FKBP11: variants seen among roughly 807,000 people sequenced by gnomAD.
FKBP11 encodes the protein peptidyl-prolyl cis-trans isomerase FKBP11.
FKBP11 carries 21 observed loss-of-function variants against 24.7 expected under a neutral mutation model. The observed-to-expected ratio is 0.85, with a 90% confidence interval of 0.60 to 1.23. The LOEUF is 1.23. Among genes scored for constraint, FKBP11 ranks in the 50% most tolerant of loss-of-function variants. FKBP11 has a pLI of 0.00. For missense variants in FKBP11, 245 were observed against 248.7 expected (o/e 0.99, Z 0.10); for synonymous variants, 106 against 100.6 (o/e 1.05, Z -0.32).
upstream of FKBP11, chr12:48,926,405 A>AG (rs1231588363): frequency 6.7e-6 from 1 of 149,580 alleles, no homozygotes; most frequent in Non-Finnish European, 1.5e-5. Flanking sequence ...TTGTATTTTT[A>AG]GTAGATAAGG....
chr12:48,935,365 T>C, the FKBP11 span, among the ~76,000 whole-genome samples: 1 of 152,186 alleles, frequency 6.6e-6, no homozygotes, highest in African/African-American at 2.4e-5. Flanking sequence ...AAACTTATTA[T>C]ATGCCTAAAT....
At chr12:48,924,120 G>T in intron 4 of FKBP11, 103 bp downstream of exon 4, 1 of 1,367,258 alleles carries the variant, frequency 7.3e-7, no homozygotes, top group Non-Finnish European at 1.0e-6. Flanking sequence ...TGGGAAGCAG[G>T]GTCCTTTATT....
chr12:48,931,726 A>C, the FKBP11 span: 2 of 477,548 alleles, frequency 4.2e-6, no homozygotes, highest in East Asian at 3.5e-5. Flanking sequence ...TTTGTTCATC[A>C]AGGTTGCATG....
chr12:48,925,052 G>A lies in FKBP11; in HGVS notation c.189C>T (p.His63=), dbSNP rs368518455. The A allele has an allele frequency of 1.2e-6, 2 of 1,607,672 alleles. No individual in the cohort carries two copies. Among genetic ancestry groups the A allele is most frequent in the East Asian group, 2.2e-5 (1 of 44,770 alleles). Residue 63 remains histidine, a synonymous_variant, in exon 2 of 6, where the codon CAC becomes CAT. Coordinates refer to ENST00000550765, the MANE Select transcript of FKBP11 (RefSeq NM_016594.3). ...PAAFGDTLHI[H]YTGSLVDGRI... is the part of the protein sequence containing the mutation. The stretch of plus-strand genomic sequence containing the variant: ...GGCCCCCCAGACCCCTCACCGTGTA[G>A]TGTATGTGAAGCGTGTCTCCAAAAG...
Position 48,925,286 on chromosome 12 carries a change from G to A in FKBP11, c.129+14C>T. On this transcript the variant is annotated intron_variant, in intron 1 of 5. Coordinates refer to ENST00000550765, the MANE Select transcript of FKBP11 (RefSeq NM_016594.3). ...TCGGCCCACGGGGGCTGAGGGTCGG[G>A]ACTATCTCCTCACCAGGGTCTCCAC... The A allele has an allele frequency of 6.2e-7, 1 of 1,611,818 alleles. No homozygotes were observed. Among genetic ancestry groups the A allele is most frequent in the Non-Finnish European group, 8.5e-7 (1 of 1,179,322 alleles).
rs779366277 is a variant in FKBP11 at position 48,925,335 on chromosome 12, C to G, written c.94G>C (p.Glu32Gln). 2.5e-5 allele frequency: 41 copies of G among 1,610,396 alleles called. No individual in the cohort carries two copies. Among genetic ancestry groups the G allele is most frequent in the Middle Eastern group, 3.3e-4 (2 of 6,058 alleles). The stretch of plus-strand genomic sequence containing the variant: ...ACTTGGAGGGTCCGGACGGGACTTT[C>G]GGTTTCGAGCCCAGCCTCAGCCCGG... ...VCRAEAGLET[E>Q]SPVRTLQVET... Residue 32 changes from glutamate to glutamine, a missense_variant, in exon 1 of 6, where the codon GAA becomes CAA. By Grantham distance (29) the Glu-to-Gln change is conservative. Transcript: ENST00000550765.
chr12:48,938,479 C>T, the FKBP11 span: 17 of 450,530 alleles, frequency 3.8e-5, no homozygotes, highest in South Asian at 1.2e-4. Flanking sequence ...TATATACAGG[C>T]GCACACATGC....
At chr12:48,924,788 G>A (rs1289279194) in intron 2 of FKBP11, 140 bp from the exon 3 acceptor site, 20 of 1,474,396 alleles carry the variant, frequency 1.4e-5, no homozygotes, top group Admixed American at 2.5e-5. Flanking sequence ...GTAAGGAACA[G>A]GAAGCCCCAG....
Position 48,925,405 on chromosome 12 carries a change from G to A in FKBP11, c.24C>T (p.Leu8=). 1.9e-6 allele frequency: 3 copies of A among 1,581,382 alleles called. No homozygotes were observed. The highest frequency in any genetic ancestry group is 2.6e-6 in the Non-Finnish European group (3 of 1,164,822). Reference sequence around the variant, plus strand: ...GCAGCAGCAGCAGCAGATGGAGCGGGAGGAGTGAGGGGCGCAGGGTCATGA... The same window carrying A: ...GCAGCAGCAGCAGCAGATGGAGCGGAAGGAGTGAGGGGCGCAGGGTCATGA... The part of the protein sequence containing the change: MTLRPSL[L]PLHLLLLLLL... The change falls in exon 1 of 6, where the codon CTC becomes CTT. Residue 8 remains leucine (L), a synonymous_variant. Transcript: ENST00000550765.
At position 48,925,373 on chromosome 12, in the gene FKBP11, C is replaced by T. The variant is rs531693483; in HGVS notation, c.56G>A (p.Ser19Asn). ...AGCCTCAGCCCGGCACACCGCCGCA[C>T]TGAGCAGCAGCAGCAGCAGCAGATG... Reference protein sequence around the residue: ...PLHLLLLLLLSAAVCRAEAGL... With the variant: ...PLHLLLLLLLNAAVCRAEAGL... Residue 19 changes from serine (S) to asparagine (N), a missense_variant, in exon 1 of 6, where the codon AGT becomes AAT. Ser to Asn is a conservative substitution (Grantham distance 46, BLOSUM62 1). Transcript: ENST00000550765. The T allele has an allele frequency of 1.2e-6, 2 of 1,603,710 alleles. No individual in the cohort carries two copies. Among genetic ancestry groups the T allele is most frequent in the African/African-American group, 2.7e-5 (2 of 75,020 alleles).
At chr12:48,923,047 C>T in intron 5 of FKBP11, 1 of 773,116 alleles carries the variant, frequency 1.3e-6, no homozygotes, top group East Asian at 7.6e-5. Flanking sequence ...ACTCGGGAGG[C>T]TGAGACAGGA....
intron 5 of FKBP11, chr12:48,922,407 C>T: frequency 1.5e-6 from 1 of 681,352 alleles, no homozygotes; most frequent in Non-Finnish European, 2.2e-6. Flanking sequence ...ACCCCAACTA[C>T]ACATGTGGCT....
chr12:48,936,545 C>A, the FKBP11 span: 1 of 152,646 alleles, frequency 6.6e-6, no homozygotes, highest in Admixed American at 6.5e-5. Flanking sequence ...GCTTAGCAGC[C>A]AGGGATACTA....
chr12:48,934,095 A>G, the FKBP11 span, among the ~76,000 whole-genome samples: 1 of 152,170 alleles, frequency 6.6e-6, no homozygotes, highest in African/African-American at 2.4e-5. Flanking sequence ...AATGTACTAA[A>G]TACATACTTG....
chr12:48,924,248 G>A lies in FKBP11; in HGVS notation c.292C>T (p.Gln98Ter), dbSNP rs775490145. The change falls in exon 4 of 6, where the codon CAG becomes TAG. Residue 98 changes from glutamine (Q) to a stop codon, truncating the protein, a stop_gained. Coordinates refer to ENST00000550765, the MANE Select transcript of FKBP11 (RefSeq NM_016594.3). LOFTEE classifies it high-confidence loss of function. The part of the protein sequence containing the change: ...GQKQVIPGLE[Q>*]SLLDMCVGEK... Reference sequence around the variant, plus strand: ...CCCACACACATGTCGAGAAGACTCTGCTCCAGACCTTGAAGAAGAAGACAC... The same window carrying A: ...CCCACACACATGTCGAGAAGACTCTACTCCAGACCTTGAAGAAGAAGACAC... 6.2e-7 allele frequency: 1 copy of A among 1,614,140 alleles called. No homozygotes were observed.
intron 5 of FKBP11, chr12:48,922,541 T>C: frequency 9.8e-7 from 1 of 1,023,690 alleles, no homozygotes; most frequent in Non-Finnish European, 1.2e-6. Flanking sequence ...TATTTCCAAA[T>C]AACCACACGG....
At chr12:48,931,490 C>T in the FKBP11 span, 2 of 1,533,896 alleles carry the variant, frequency 1.3e-6, no homozygotes, top group South Asian at 2.4e-5. Flanking sequence ...GAAATCCAAA[C>T]AACAGAGAAA....
upstream of FKBP11, among the ~76,000 whole-genome samples, chr12:48,928,998 ATT>A (rs71080161): frequency 7.2e-6 from 1 of 138,242 alleles, no homozygotes; most frequent in African/African-American, 2.7e-5. Context: ...AACTTTTTGT[ATT>A]TTTTTTTTTT....
the FKBP11 span, among the ~76,000 whole-genome samples, chr12:48,932,252 T>TAA: frequency 2.6e-5 from 1 of 37,828 alleles, no homozygotes; most frequent in East Asian, 5.5e-4. Flanking sequence ...TATATATATA[T>TAA]ATATATATAT....
Sources: gnomAD v4.1 joint callset for allele counts (sites outside exome capture counted in the v4.1 genomes callset) on GRCh38, gnomAD v4.1.1 for gene constraint, MANE v1.5 for transcripts, NCBI Gene and HGNC (gene_info 2026-07-23, HGNC 2026-07-21) for gene names.